The following TMEM132D variants were observed in gnomAD, a reference collection of about 807,000 sequenced individuals.
TMEM132D encodes the protein mature OL transmembrane protein.
A neutral mutation model predicts 62.3 loss-of-function variants in TMEM132D; 21 were observed. The observed-to-expected ratio is 0.34, with a 90% CI of 0.24 to 0.49. TMEM132D has a LOEUF of 0.49. Among genes scored for constraint, TMEM132D ranks in the 20% least tolerant of loss-of-function variants. The pLI is 0.99. For missense variants in TMEM132D, 1,346 were observed against 1,402.8 expected (o/e 0.96, Z 0.65); for synonymous variants, 621 against 575.6 (o/e 1.08, Z -1.13).
intron 5 of TMEM132D, 41 bp from the exon 6 acceptor site, chr12:129,084,743 C>T: frequency 6.3e-7 from 1 of 1,595,930 alleles, no homozygotes; most frequent in Non-Finnish European, 8.6e-7. Context: ...GAAAGGTGAG[C>T]TTTCATCCCG....
chr12:129,771,810 C>G (rs75736878), intron 1 of TMEM132D, among the ~76,000 whole-genome samples: 1 of 152,200 alleles, frequency 6.6e-6, no homozygotes, highest in African/African-American at 2.4e-5. Context: ...CAATCATATT[C>G]ACACACATAT....
intron 2 of TMEM132D, among the ~76,000 whole-genome samples, chr12:129,628,928 T>C (rs1340135183): frequency 6.7e-6 from 1 of 149,614 alleles, no homozygotes; most frequent in African/African-American, 2.5e-5. Context: ...CTATCTCTCT[T>C]TCTCTCTCTC....
intron 3 of TMEM132D, among the ~76,000 whole-genome samples, chr12:129,366,449 C>T (rs1381084267): frequency 1.3e-5 from 2 of 152,064 alleles, no homozygotes; most frequent in Non-Finnish European, 1.5e-5. Flanking sequence ...CCTGCTTCCC[C>T]TTCACCTTCT....
intron 1 of TMEM132D, among the ~76,000 whole-genome samples, chr12:129,736,847 T>C (rs1212638165): frequency 6.7e-6 from 1 of 150,218 alleles, no homozygotes; most frequent in Non-Finnish European, 1.5e-5. Context: ...GACAGAGTTT[T>C]CCTCTGTCAC....
chr12:129,381,790 A>G (rs2170505), intron 3 of TMEM132D, among the ~76,000 whole-genome samples: 64,595 of 151,914 alleles, frequency 0.43, 14,085 homozygotes, highest in Middle Eastern at 0.49. Flanking sequence ...CACCAAATGA[A>G]TTTCTCTTGT....
chr12:129,253,465 C>T (rs1484365232), intron 4 of TMEM132D, among the ~76,000 whole-genome samples: 1 of 152,166 alleles, frequency 6.6e-6, no homozygotes, highest in African/African-American at 2.4e-5. Flanking sequence ...GGTTAATTTC[C>T]AGCCAACCCA....
At chr12:129,076,765 A>G (rs1246696197) in intron 8 of TMEM132D, among the ~76,000 whole-genome samples, 4 of 152,298 alleles carry the variant, frequency 2.6e-5, no homozygotes, top group Admixed American at 2.6e-4. Context: ...CAAACCAACC[A>G]TGGAGCAAAT....
chr12:129,086,124 G>A (rs144858824), intron 5 of TMEM132D: 1 of 152,182 alleles, frequency 6.6e-6, no homozygotes, highest in Non-Finnish European at 1.5e-5. Flanking sequence ...ACAACATGAT[G>A]TTTTGATCTA....
At chr12:129,310,384 G>A (rs1431102267) in intron 4 of TMEM132D, among the ~76,000 whole-genome samples, 1 of 152,216 alleles carries the variant, frequency 6.6e-6, no homozygotes, top group African/African-American at 2.4e-5. Flanking sequence ...CAGCTAAGCT[G>A]TTACCAATCC....
chr12:129,197,649 T>G (rs1174605410), intron 5 of TMEM132D, among the ~76,000 whole-genome samples: 1 of 152,048 alleles, frequency 6.6e-6, no homozygotes, highest in Non-Finnish European at 1.5e-5. Flanking sequence ...CAACTCAAAA[T>G]AAAGACTTAA....
intron 4 of TMEM132D, among the ~76,000 whole-genome samples, chr12:129,336,602 A>G (rs1429839384): frequency 6.6e-6 from 1 of 152,168 alleles, no homozygotes; most frequent in Non-Finnish European, 1.5e-5. Context: ...TACATGTAGC[A>G]TAGCAAGAAC....
At chr12:129,697,213 A>C (rs543105330) in intron 2 of TMEM132D, among the ~76,000 whole-genome samples, 2 of 152,294 alleles carry the variant, frequency 1.3e-5, no homozygotes, top group South Asian at 4.2e-4. Flanking sequence ...GTTTGGAGAA[A>C]AGCGCCCAAG....
chr12:129,093,216 T>C (rs1472495972), intron 5 of TMEM132D, among the ~76,000 whole-genome samples: 4 of 152,196 alleles, frequency 2.6e-5, no homozygotes, highest in Non-Finnish European at 5.9e-5. Flanking sequence ...CTTGAGCCTA[T>C]TGTGGGCTGA....
intron 1 of TMEM132D, among the ~76,000 whole-genome samples, chr12:129,725,656 C>T (rs190727540): frequency 1.4e-4 from 22 of 152,340 alleles, no homozygotes; most frequent in Non-Finnish European, 2.2e-4. Flanking sequence ...TAAACACATG[C>T]ACACATAACA....
At chr12:129,725,834 C>T (rs542637579) in intron 1 of TMEM132D, among the ~76,000 whole-genome samples, 17 of 152,328 alleles carry the variant, frequency 1.1e-4, no homozygotes, top group East Asian at 1.9e-4. Flanking sequence ...CCTTGGCTGA[C>T]GTCTGGGAAC....
intron 3 of TMEM132D, among the ~76,000 whole-genome samples, chr12:129,378,462 A>G (rs978649692): frequency 6.6e-6 from 1 of 152,244 alleles, no homozygotes; most frequent in Non-Finnish European, 1.5e-5. Flanking sequence ...AATAGCTAGG[A>G]GTAGATTTCT....
intron 1 of TMEM132D, among the ~76,000 whole-genome samples, chr12:129,719,489 A>C (rs2137242770): frequency 6.6e-6 from 1 of 152,308 alleles, no homozygotes; most frequent in South Asian, 2.1e-4. Flanking sequence ...CCTGTCTATA[A>C]AGTTCTGAAT....
chr12:129,190,184 G>A, intron 5 of TMEM132D, among the ~76,000 whole-genome samples: 1 of 103,194 alleles, frequency 9.7e-6, no homozygotes, highest in African/African-American at 3.9e-5. Context: ...TCTCAGGCCT[G>A]CAGATGGAGG....
At chr12:129,232,607 C>G (rs184623178) in intron 4 of TMEM132D, among the ~76,000 whole-genome samples, 1 of 152,108 alleles carries the variant, frequency 6.6e-6, no homozygotes, top group Non-Finnish European at 1.5e-5. Flanking sequence ...GACCACCGAA[C>G]GATTACTATT....
Sources: gnomAD v4.1 joint callset for allele counts (sites outside exome capture counted in the v4.1 genomes callset) on GRCh38, gnomAD v4.1.1 for gene constraint, MANE v1.5 for transcripts, NCBI Gene and HGNC (gene_info 2026-07-23, HGNC 2026-07-21) for gene names.